NELL2: variants seen among roughly 807,000 people sequenced by gnomAD.
The protein encoded by NELL2 is neural EGFL like 2.
NELL2 carries 41 observed loss-of-function variants against 109.6 expected under a neutral mutation model. The observed-to-expected ratio is 0.37, with a 90% CI of 0.29 to 0.49. The LOEUF is 0.49. Ranked by LOEUF, NELL2 falls within the 20% of genes least tolerant of loss-of-function variation. The pLI, the probability that NELL2 is intolerant of heterozygous loss-of-function variation, is 0.98. For synonymous variants in NELL2, 355 were observed against 344.7 expected, an observed-to-expected ratio of 1.03 and a Z score of -0.33; for missense variants, 900 against 1,008.3, an observed-to-expected ratio of 0.89 and a Z score of 1.45.
At chr12:44,879,938 A>G (rs1945391895), upstream of NELL2, among the ~76,000 whole-genome samples, 1 of 151,940 alleles carries the variant, frequency 6.6e-6, no homozygotes, top group Non-Finnish European at 1.5e-5. Context: ...ATCAAAAAGT[A>G]GCATTAAACT....
chr12:44,578,946 A>T (rs780407217), intron 15 of NELL2, among the ~76,000 whole-genome samples: 1 of 152,124 alleles, frequency 6.6e-6, no homozygotes, highest in Non-Finnish European at 1.5e-5. Flanking sequence ...TTTTTTCTCA[A>T]AGGCATTTCT....
chr12:44,750,308 G>C (rs796606084), intron 9 of NELL2, among the ~76,000 whole-genome samples: 8 of 152,276 alleles, frequency 5.3e-5, no homozygotes, highest in African/African-American at 1.7e-4. Context: ...AGACAGATAG[G>C]AAGGTACATT....
chr12:44,765,229 T>C (rs1367645219), intron 9 of NELL2, among the ~76,000 whole-genome samples: 3 of 152,250 alleles, frequency 2.0e-5, no homozygotes, highest in African/African-American at 7.2e-5. Flanking sequence ...TTATCTATTG[T>C]GCTATATGGA....
At chr12:44,756,384 C>T (rs1767882297) in intron 9 of NELL2, among the ~76,000 whole-genome samples, 1 of 151,930 alleles carries the variant, frequency 6.6e-6, no homozygotes. Context: ...AATATTGTCT[C>T]TTCCTATTTC....
intron 2 of NELL2, among the ~76,000 whole-genome samples, chr12:44,859,368 C>CAG (rs1944772176): frequency 6.6e-6 from 1 of 152,112 alleles, no homozygotes; most frequent in Non-Finnish European, 1.5e-5. Context: ...ATGGTGAAAC[C>CAG]CCGTCTCCAC....
intron 13 of NELL2, among the ~76,000 whole-genome samples, chr12:44,661,279 G>T (rs1428111574): frequency 1.3e-5 from 2 of 152,202 alleles, no homozygotes; most frequent in Admixed American, 6.5e-5. Context: ...TACAGTCCTA[G>T]GATCAAGGTT....
intron 9 of NELL2, among the ~76,000 whole-genome samples, chr12:44,767,231 T>C (rs7304407): frequency 0.22 from 34,184 of 152,100 alleles, 4,066 homozygotes; most frequent in South Asian, 0.28. Flanking sequence ...TGTGGTAAAA[T>C]AAGAATGTTT....
intron 3 of NELL2, among the ~76,000 whole-genome samples, chr12:44,810,533 G>T (rs1943140449): frequency 6.6e-6 from 1 of 152,038 alleles, no homozygotes. Flanking sequence ...AAGGTTCATT[G>T]AAAAAGCATA....
intron 9 of NELL2, among the ~76,000 whole-genome samples, chr12:44,721,677 G>GTTC (rs1358080993): frequency 1.1e-4 from 17 of 151,952 alleles, no homozygotes; most frequent in African/African-American, 3.1e-4. Flanking sequence ...TTATAGTGAC[G>GTTC]AAGATATTGA....
At chr12:44,513,347 C>T (rs1480788463) in intron 19 of NELL2, among the ~76,000 whole-genome samples, 1 of 151,860 alleles carries the variant, frequency 6.6e-6, no homozygotes, top group East Asian at 1.9e-4. Context: ...ATCTATAAAA[C>T]ATATCATCCA....
At chr12:44,873,629 T>C (rs1172121082) in intron 2 of NELL2, among the ~76,000 whole-genome samples, 1 of 152,104 alleles carries the variant, frequency 6.6e-6, no homozygotes, top group Non-Finnish European at 1.5e-5. Context: ...TTAGGAGCTT[T>C]AGATTCCATA....
At chr12:44,838,143 T>A (rs1048566635) in intron 2 of NELL2, among the ~76,000 whole-genome samples, 6 of 152,074 alleles carry the variant, frequency 3.9e-5, no homozygotes, top group Non-Finnish European at 5.9e-5. Context: ...GTCTAGGGGG[T>A]TTAATTTCAA....
At chr12:44,599,821 A>T (rs1025095565) in intron 15 of NELL2, among the ~76,000 whole-genome samples, 1 of 152,148 alleles carries the variant, frequency 6.6e-6, no homozygotes, top group Non-Finnish European at 1.5e-5. Context: ...GAACCTTGAA[A>T]GTAATTAGAG....
At chr12:44,517,465 A>G (rs1415766142) in intron 19 of NELL2, among the ~76,000 whole-genome samples, 2 of 148,118 alleles carry the variant, frequency 1.4e-5, no homozygotes, top group Admixed American at 6.8e-5. Context: ...GAAGCAGACC[A>G]TGGTACTGTT....
chr12:44,732,089 GA>G (rs1355574914), intron 9 of NELL2, among the ~76,000 whole-genome samples: 1 of 151,898 alleles, frequency 6.6e-6, no homozygotes, highest in African/African-American at 2.4e-5. Context: ...ATTAAAAAAT[GA>G]AAATACAGCT....
intron 2 of NELL2, among the ~76,000 whole-genome samples, chr12:44,833,769 A>G (rs1943960778): frequency 6.6e-6 from 1 of 152,198 alleles, no homozygotes; most frequent in South Asian, 2.1e-4. Context: ...TCACACACAG[A>G]CACAATTTAT....
intron 15 of NELL2, among the ~76,000 whole-genome samples, chr12:44,569,379 A>T (rs1387682993): frequency 6.6e-6 from 1 of 151,904 alleles, no homozygotes; most frequent in Non-Finnish European, 1.5e-5. Flanking sequence ...TACAATTTAC[A>T]CTCCTTTGGA....
At chr12:44,737,706 A>AAT (rs1939724272) in intron 9 of NELL2, among the ~76,000 whole-genome samples, 1 of 152,072 alleles carries the variant, frequency 6.6e-6, no homozygotes, top group African/African-American at 2.4e-5. Context: ...TCTATTGGTC[A>AAT]TTATACGTGG....
chr12:44,696,567 T>G (rs1448610965), intron 12 of NELL2, among the ~76,000 whole-genome samples: 1 of 152,232 alleles, frequency 6.6e-6, no homozygotes, highest in Non-Finnish European at 1.5e-5. Context: ...ACAAATTCCT[T>G]TTCTTGCACT....
Sources: gnomAD v4.1 joint callset for allele counts (sites outside exome capture counted in the v4.1 genomes callset) on GRCh38, gnomAD v4.1.1 for gene constraint, MANE v1.5 for transcripts, NCBI Gene and HGNC (gene_info 2026-07-23, HGNC 2026-07-21) for gene names.